The following ADCY2 variants were observed in gnomAD, a reference collection of about 807,000 sequenced individuals.
ADCY2 encodes adenylate cyclase type 2.
Under a neutral mutation model 125.2 loss-of-function variants are expected in ADCY2, and 31 were observed. The ratio of observed to expected loss-of-function variants is 0.25; its 90% confidence interval spans 0.19 to 0.33. The LOEUF (loss-of-function observed/expected upper bound fraction) is 0.33, where lower values mean the gene tolerates loss of function less well. ADCY2 is among the 10% of genes least tolerant of loss of function. The pLI, the probability that ADCY2 is intolerant of heterozygous loss-of-function variation, is 1.00. For missense variants in ADCY2, 904 were observed against 1,418.2 expected (o/e 0.64, Z 5.82); for synonymous variants, 512 against 548.4 (o/e 0.93, Z 0.93).
At chr5:7,702,940 T>C (rs1741138110) in intron 7 of ADCY2, among the ~76,000 whole-genome samples, 1 of 152,254 alleles carries the variant, frequency 6.6e-6, no homozygotes, top group Non-Finnish European at 1.5e-5. Flanking sequence ...TGAGTTGGTA[T>C]CTCATTGTGG....
At chr5:7,521,488 A>T (rs1744443775) in intron 3 of ADCY2, among the ~76,000 whole-genome samples, 1 of 152,210 alleles carries the variant, frequency 6.6e-6, no homozygotes, top group Non-Finnish European at 1.5e-5. Flanking sequence ...CTAATTATGT[A>T]CACCTATAAA....
intron 4 of ADCY2, among the ~76,000 whole-genome samples, chr5:7,677,661 G>A (rs1360528224): frequency 6.6e-6 from 1 of 152,212 alleles, no homozygotes; most frequent in East Asian, 1.9e-4. Flanking sequence ...ACTGGGGCCA[G>A]CTTGTAGGGT....
intron 3 of ADCY2, among the ~76,000 whole-genome samples, chr5:7,524,707 G>T (rs1241965603): frequency 2.0e-5 from 3 of 152,120 alleles, no homozygotes; most frequent in African/African-American, 7.2e-5. Flanking sequence ...TGCATCTTTG[G>T]CAAGAATCAC....
chr5:7,712,762 A>G (rs1741480477), intron 10 of ADCY2, 94 bp from the exon 11 acceptor site: 2 of 863,644 alleles, frequency 2.3e-6, no homozygotes, highest in South Asian at 2.9e-5. Flanking sequence ...GTTACTGTCC[A>G]TGATAAAAGA....
In ADCY2 at chr5:7,754,730, C is replaced by A. The variant is rs80207770; in HGVS notation, c.1957-2719C>A. 1.6e-3 allele frequency among the ~76,000 whole-genome samples: 249 copies of A among 151,746 alleles called. 2 individuals carry two copies. The highest frequency in any genetic ancestry group is 5.4e-3 in the African/African-American group (225 of 41,368). On this transcript the variant is annotated intron_variant, in intron 15 of 24. Coordinates refer to ENST00000338316, the MANE Select transcript of ADCY2 (RefSeq NM_020546.3). ...AATGGCAAAAAACAAAACAAACAAA[C>A]AAAAAAAACTCAGCTACTCAGGAGG...
intron 3 of ADCY2, among the ~76,000 whole-genome samples, chr5:7,534,952 G>A (rs1734768489): frequency 6.6e-6 from 1 of 152,302 alleles, no homozygotes; most frequent in African/African-American, 2.4e-5. Context: ...TTATTTCTAT[G>A]TGTTTCCCAC....
intron 3 of ADCY2, among the ~76,000 whole-genome samples, chr5:7,533,172 A>C (rs896403840): frequency 6.6e-6 from 1 of 151,424 alleles, no homozygotes; most frequent in East Asian, 1.9e-4. Context: ...TCCTGTGAAA[A>C]TATTTCTGTT....
rs185244022 is a variant in ADCY2 at position 7,414,256 on chromosome 5, C to A, written c.211-317C>A. ...GGAGAGAAGTTGGTTGTCTTATTTT[C>A]TCCTGGCATTAATGTGTTCTTACAT... On this transcript the variant is annotated intron_variant, in intron 1 of 24. Coordinates refer to ENST00000338316, the MANE Select transcript of ADCY2 (RefSeq NM_020546.3). Among the ~76,000 whole-genome samples, 615 of 152,308 alleles carry A rather than the reference C, an allele frequency of 4.0e-3. 2 individuals are homozygous for A. Among genetic ancestry groups the A allele is most frequent in the Middle Eastern group, 0.024 (7 of 294 alleles).
chr5:7,405,011 T>A (rs1739421857), intron 1 of ADCY2, among the ~76,000 whole-genome samples: 1 of 152,216 alleles, frequency 6.6e-6, no homozygotes, highest in South Asian at 2.1e-4. Flanking sequence ...TGGAATTGCA[T>A]GACATTTTTA....
At chr5:7,627,527 G>T (rs1037870638) in intron 4 of ADCY2, among the ~76,000 whole-genome samples, 2 of 152,156 alleles carry the variant, frequency 1.3e-5, no homozygotes, top group Non-Finnish European at 1.5e-5. Flanking sequence ...AGCATGGCTG[G>T]CTATAAACAC....
At chr5:7,705,940 A>G (rs11134253) in intron 7 of ADCY2, among the ~76,000 whole-genome samples, 148,718 of 152,304 alleles carry the variant, frequency 0.98, 72,707 homozygotes, top group Middle Eastern at 1. Context: ...ATTTCACTAC[A>G]ATTCACAAGT....
chr5:7,800,907 GAA>G (rs1308168671), intron 20 of ADCY2: 1 of 152,186 alleles, frequency 6.6e-6, no homozygotes, highest in Non-Finnish European at 1.5e-5. Context: ...CAGAGAGAGA[GAA>G]AACACAATTC....
chr5:7,759,494 A>C (rs374956226), intron 16 of ADCY2, among the ~76,000 whole-genome samples: 8 of 152,284 alleles, frequency 5.3e-5, no homozygotes, highest in East Asian at 1.9e-4. Context: ...AGAGGTCCTG[A>C]CAGGCCAGGT....
rs755324187 is a variant in ADCY2, at chr5:7,717,271, C to G, written c.1703+34C>G. The G allele has an allele frequency of 1.7e-5, 26 of 1,486,086 alleles. 1 individual carries two copies. The South Asian group carries it at 2.9e-4, about 16-fold the overall frequency. 92.1% of individuals were successfully genotyped at this position (1,486,086 alleles called of 1,614,324 possible). On this transcript the variant is annotated intron_variant, in intron 12 of 24. Transcript: ENST00000338316. ...TTCTTTCTCTTAAATTATCTTTCATCTTTTATTATGTTCCAGTTGTATTTT... is the reference window on the plus strand; with the variant it reads ...TTCTTTCTCTTAAATTATCTTTCATGTTTTATTATGTTCCAGTTGTATTTT...
intron 3 of ADCY2, among the ~76,000 whole-genome samples, chr5:7,529,578 G>A (rs1027652036): frequency 6.6e-5 from 10 of 152,210 alleles, no homozygotes; most frequent in African/African-American, 2.4e-4. Context: ...AGGGTGGGAA[G>A]AGCAAGCATT....
chr5:7,693,413 G>GTTTTTTTTTTTTTTT (rs70940751), intron 5 of ADCY2, among the ~76,000 whole-genome samples: 14 of 32,394 alleles, frequency 4.3e-4, no homozygotes, highest in Non-Finnish European at 1.1e-3. Context: ...GCTGTTTTTT[G>GTTTTTTTTTTTTTTT]TTTTTTTTTT....
chr5:7,817,052 TTGA>T (rs2126537790), intron 23 of ADCY2, 72 bp downstream of exon 23: 1 of 1,142,992 alleles, frequency 8.7e-7, no homozygotes, highest in Admixed American at 1.9e-5. Flanking sequence ...TCAGGAGATA[TTGA>T]TGATCCTTTC....
At chr5:7,646,894 C>A (rs894195432) in intron 4 of ADCY2, among the ~76,000 whole-genome samples, 3 of 152,174 alleles carry the variant, frequency 2.0e-5, no homozygotes, top group Non-Finnish European at 4.4e-5. Flanking sequence ...ATTTCGGCCA[C>A]CATCTTGAAG....
intron 4 of ADCY2, among the ~76,000 whole-genome samples, chr5:7,672,322 T>A (rs1445422743): frequency 6.6e-6 from 1 of 152,280 alleles, no homozygotes. Context: ...TTTATTGTCC[T>A]TAATTCAATT....
Sources: gnomAD v4.1 joint callset for allele counts (sites outside exome capture counted in the v4.1 genomes callset) on GRCh38, gnomAD v4.1.1 for gene constraint, MANE v1.5 for transcripts, NCBI Gene and HGNC (gene_info 2026-07-23, HGNC 2026-07-21) for gene names.